SNX29: variants seen among roughly 807,000 people sequenced by gnomAD.
SNX29 encodes sorting nexin 29, also known as sorting nexin-29.
Under a neutral mutation model 102.1 loss-of-function variants are expected in SNX29, and 78 were observed. That is an observed-to-expected ratio of 0.76 (90% CI 0.64 to 0.92). The LOEUF is 0.92. Among genes scored for constraint, SNX29 ranks in the 40% least tolerant of loss-of-function variants. The pLI is 0.00. For synonymous variants in SNX29, 580 were observed against 414.5 expected, an observed-to-expected ratio of 1.40 and a Z score of -4.85; for missense variants, 1,280 against 1,061.7, an observed-to-expected ratio of 1.21 and a Z score of -2.86.
At chr16:12,559,090 T>C (rs914053079) in intron 20 of SNX29, among the ~76,000 whole-genome samples, 3 of 152,114 alleles carry the variant, frequency 2.0e-5, no homozygotes, top group Non-Finnish European at 2.9e-5. Flanking sequence ...CCGTGCTCCT[T>C]AGTCTAGGAT....
chr16:12,548,653 G>C (rs960773028), intron 20 of SNX29, among the ~76,000 whole-genome samples: 1 of 152,214 alleles, frequency 6.6e-6, no homozygotes, highest in Non-Finnish European at 1.5e-5. Context: ...CTCATTTGGT[G>C]TCAACTCAGC....
At chr16:12,547,330 T>G (rs2077669548) in intron 20 of SNX29, among the ~76,000 whole-genome samples, 1 of 152,180 alleles carries the variant, frequency 6.6e-6, no homozygotes, top group Non-Finnish European at 1.5e-5. Context: ...CAGAGAGGCC[T>G]TGCAGCCAAG....
intron 15 of SNX29, among the ~76,000 whole-genome samples, chr16:12,322,790 G>C (rs1363172399): frequency 8.1e-6 from 1 of 122,820 alleles, no homozygotes; most frequent in Non-Finnish European, 1.9e-5. Context: ...TCAGTAGGGG[G>C]CCACTGTCAG....
intron 15 of SNX29, among the ~76,000 whole-genome samples, chr16:12,353,765 A>G (rs1182821567): frequency 6.6e-6 from 1 of 152,074 alleles, no homozygotes; most frequent in Non-Finnish European, 1.5e-5. Context: ...GAGAAGGGGG[A>G]TTGGAGAGAA....
intron 1 of SNX29, among the ~76,000 whole-genome samples, chr16:11,988,308 A>AAG (rs2150979582): frequency 6.6e-6 from 1 of 151,980 alleles, no homozygotes; most frequent in South Asian, 2.1e-4. Context: ...AAAAAAAAAA[A>AAG]AAGTTTATTG....
At chr16:12,475,879 T>A (rs552315949) in intron 18 of SNX29, among the ~76,000 whole-genome samples, 8 of 152,356 alleles carry the variant, frequency 5.3e-5, no homozygotes, top group African/African-American at 1.7e-4. Flanking sequence ...GTGGCTGAAT[T>A]TGGCCCATGG....
intron 20 of SNX29, among the ~76,000 whole-genome samples, chr16:12,552,217 T>G (rs1597955761): frequency 6.6e-6 from 1 of 151,724 alleles, no homozygotes; most frequent in Admixed American, 6.6e-5. Context: ...GGCCGTGGAG[T>G]CAGACATCCA....
At position 12,570,954 on chromosome 16, in the gene SNX29, C is replaced by G. The variant is rs988964019; in HGVS notation, c.*2325C>G. The G allele has an allele frequency of 4.3e-6, 1 of 232,042 alleles. No homozygotes were observed. The highest frequency in any genetic ancestry group is 2.2e-5 in the African/African-American group (1 of 45,280). 14.4% of individuals were successfully genotyped at this position (232,042 alleles called of 1,614,324 possible). A position where few individuals can be genotyped will look rare whatever the true frequency, so the allele number is the denominator to read the frequency against. ...TTCCTGGGAGCCACATGGGGACCATCCCCAGCTGCCTGCTCCTGGTACCTC... is the reference window on the plus strand; with the variant it reads ...TTCCTGGGAGCCACATGGGGACCATGCCCAGCTGCCTGCTCCTGGTACCTC... On this transcript the variant is annotated 3_prime_UTR_variant, in exon 21 of 21. Transcript: ENST00000566228.
rs369736098 is a variant in SNX29 at position 12,020,773 on chromosome 16, G to A, written c.123-6547G>A. 9.5e-4 allele frequency among the ~76,000 whole-genome samples: 145 copies of A among 152,042 alleles called. 3 individuals carry two copies. The East Asian group carries it at 0.025, about 26-fold the overall frequency. ...TGAGTAGCTGGGATTACAGGCACTC[G>A]CCACCATGCTCAGCTAATTTTTGTA... On this transcript the variant is annotated intron_variant, in intron 3 of 20. Coordinates refer to ENST00000566228, the MANE Select transcript of SNX29 (RefSeq NM_032167.5).
chr16:12,279,427 A>G (rs1247022524), intron 15 of SNX29, among the ~76,000 whole-genome samples: 1 of 152,246 alleles, frequency 6.6e-6, no homozygotes, highest in East Asian at 1.9e-4. Flanking sequence ...AGGCCTTAAC[A>G]CACAGGTTGG....
intron 20 of SNX29, among the ~76,000 whole-genome samples, chr16:12,566,276 A>T (rs35272133): frequency 6.6e-6 from 1 of 152,050 alleles, no homozygotes; most frequent in Non-Finnish European, 1.5e-5. Context: ...CACTGCCCAC[A>T]GCAGGACTGG....
Position 12,215,159 on chromosome 16 carries a change from G to C in SNX29, c.1678+15476G>C, listed in dbSNP as rs147618159. ...TCATGGCAACTGTCCTGTGAGGTGG[G>C]TACTATTATCCCCATTTACACGGGA... On this transcript the variant is annotated intron_variant, in intron 14 of 20. Transcript: ENST00000566228. Among the ~76,000 whole-genome samples, 544 of 152,230 alleles carry C rather than the reference G, an allele frequency of 3.6e-3. 3 individuals are homozygous for C. Among genetic ancestry groups the C allele is most frequent in the African/African-American group, 0.013 (523 of 41,536 alleles).
At chr16:12,336,672 C>CAGT (rs1241239313) in intron 15 of SNX29, among the ~76,000 whole-genome samples, 10 of 152,138 alleles carry the variant, frequency 6.6e-5, no homozygotes, top group African/African-American at 2.4e-4. Flanking sequence ...TGGCTGAGTA[C>CAGT]AGTAGCTCAT....
At chr16:12,091,054 A>G (rs577723328) in intron 11 of SNX29, among the ~76,000 whole-genome samples, 1 of 151,046 alleles carries the variant, frequency 6.6e-6, no homozygotes, top group Non-Finnish European at 1.5e-5. Flanking sequence ...AAAAAGAAAA[A>G]AGAGCGCCTG....
At chr16:11,988,165 G>C (rs2055704142) in intron 1 of SNX29, among the ~76,000 whole-genome samples, 1 of 151,884 alleles carries the variant, frequency 6.6e-6, no homozygotes, top group South Asian at 2.1e-4. Context: ...GTGGTGGCGG[G>C]TGCCTGTAAT....
At chr16:12,453,010 TAG>T (rs2086374867) in intron 18 of SNX29, among the ~76,000 whole-genome samples, 1 of 152,140 alleles carries the variant, frequency 6.6e-6, no homozygotes, top group South Asian at 2.1e-4. Flanking sequence ...CACGGGGCCC[TAG>T]ATGCAAAAAG....
At chr16:12,181,528 A>C (rs1194372296) in intron 13 of SNX29, among the ~76,000 whole-genome samples, 2 of 152,210 alleles carry the variant, frequency 1.3e-5, no homozygotes, top group African/African-American at 4.8e-5. Flanking sequence ...ATAGAATGGG[A>C]GGCAGGTTTG....
At position 12,570,867 on chromosome 16, in the gene SNX29, C is replaced by T. The variant is rs569169710; in HGVS notation, c.*2238C>T. The T allele has an allele frequency of 9.1e-5, 21 of 232,010 alleles. No individual in the cohort carries two copies. Among genetic ancestry groups the T allele is most frequent in the African/African-American group, 2.4e-4 (11 of 45,390 alleles). 14.4% of individuals were successfully genotyped at this position (232,010 alleles called of 1,614,324 possible). ...TTGAACTGGTGGGAGAAACTGCCTCCTACTTTTATAATACTGAATTATTCA... is the reference window on the plus strand; with the variant it reads ...TTGAACTGGTGGGAGAAACTGCCTCTTACTTTTATAATACTGAATTATTCA... On this transcript the variant is annotated 3_prime_UTR_variant, in exon 21 of 21. Transcript: ENST00000566228.
At chr16:12,364,552 T>C (rs2151345707) in intron 16 of SNX29, among the ~76,000 whole-genome samples, 1 of 152,118 alleles carries the variant, frequency 6.6e-6, no homozygotes, top group African/African-American at 2.4e-5. Context: ...GAGCTCCCGG[T>C]TTGAGTAAGA....
Sources: allele counts gnomAD v4.1 joint callset (sites outside exome capture counted in the v4.1 genomes callset), GRCh38; gene constraint gnomAD v4.1.1; transcripts MANE v1.5; gene names NCBI Gene and HGNC (gene_info 2026-07-23, HGNC 2026-07-21).